The following SEC11A variants were observed in gnomAD, a reference collection of about 807,000 sequenced individuals.
The protein encoded by SEC11A is signal peptidase complex catalytic subunit SEC11A.
A neutral mutation model predicts 25.6 loss-of-function variants in SEC11A; 14 were observed. The observed-to-expected ratio is 0.55, with a 90% confidence interval of 0.36 to 0.85. SEC11A has a LOEUF of 0.85. SEC11A is among the 40% of genes least tolerant of loss of function. SEC11A has a pLI of 0.01. For synonymous variants in SEC11A, 83 were observed against 76.4 expected (o/e 1.09, Z -0.45); for missense variants, 153 against 222.9 (o/e 0.69, Z 2.00).
chr15:84,690,078 G>A (rs556650874), intron 2 of SEC11A, among the ~76,000 whole-genome samples: 2 of 152,204 alleles, frequency 1.3e-5, no homozygotes, highest in South Asian at 4.1e-4. Flanking sequence ...GACCAGACTG[G>A]GCAACACAGT....
intron 1 of SEC11A, among the ~76,000 whole-genome samples, chr15:84,706,965 C>G (rs68108526): frequency 1.3e-5 from 2 of 152,098 alleles, no homozygotes; most frequent in African/African-American, 2.4e-5. Context: ...AGAGACTAGA[C>G]AGACAGTCAG....
At chr15:84,699,678 T>G (rs1049992944) in intron 1 of SEC11A, among the ~76,000 whole-genome samples, 1 of 151,646 alleles carries the variant, frequency 6.6e-6, no homozygotes, top group African/African-American at 2.4e-5. Context: ...TAATCCCAGC[T>G]CTTAGGGAGG....
At chr15:84,680,007 T>C in intron 4 of SEC11A, 1 of 1,318,600 alleles carries the variant, frequency 7.6e-7, no homozygotes, top group Non-Finnish European at 1.0e-6. Flanking sequence ...TTTAATTTCA[T>C]TCAACCTCAT....
chr15:84,671,031 C>A (rs1187803058), intron 4 of SEC11A: 2 of 308,214 alleles, frequency 6.5e-6, no homozygotes, highest in Middle Eastern at 9.1e-4. Context: ...AGAACCAGCA[C>A]CAGATAGAGC....
chr15:84,702,801 G>A (rs1365650219), intron 1 of SEC11A, among the ~76,000 whole-genome samples: 1 of 152,084 alleles, frequency 6.6e-6, no homozygotes, highest in African/African-American at 2.4e-5. Flanking sequence ...GGTATTCACT[G>A]GCAAATTCCA....
intron 1 of SEC11A, among the ~76,000 whole-genome samples, chr15:84,704,329 G>A (rs1420042457): frequency 2.0e-5 from 3 of 152,170 alleles, no homozygotes; most frequent in Non-Finnish European, 4.4e-5. Context: ...TGGACAAGCA[G>A]TCATGGAATT....
In SEC11A at chr15:84,690,359, T is replaced by C. The variant is rs192467739; in HGVS notation, c.161+1176A>G. 2.3e-3 allele frequency among the ~76,000 whole-genome samples: 351 copies of C among 152,314 alleles called. 2 individuals are homozygous for C. The highest frequency in any genetic ancestry group is 4.3e-3 in the Non-Finnish European group (291 of 68,014). ...TGGGGCCTCCCCAGTCACGTGGAAC[T>C]GTAAGTCCAGTAAACCTCTTTCTTT... On this transcript the variant is annotated intron_variant, in intron 2 of 5. Coordinates refer to ENST00000268220, the MANE Select transcript of SEC11A (RefSeq NM_014300.4).
intron 3 of SEC11A, chr15:84,686,402 G>C (rs970879483): frequency 6.6e-6 from 1 of 152,210 alleles, no homozygotes; most frequent in Non-Finnish European, 1.5e-5. Flanking sequence ...CTTGAGGCCA[G>C]GGGTTCGAGA....
chr15:84,715,957 C>T (rs1898452353), intron 1 of SEC11A, 68 bp downstream of exon 1: 1 of 1,482,476 alleles, frequency 6.7e-7, no homozygotes. Context: ...TGGGGTCCGC[C>T]GGGCCCCGCA....
At chr15:84,709,177 T>C (rs1033733583) in intron 1 of SEC11A, among the ~76,000 whole-genome samples, 4 of 152,060 alleles carry the variant, frequency 2.6e-5, no homozygotes, top group African/African-American at 9.7e-5. Flanking sequence ...ACATACTTAT[T>C]TTATTAGTGA....
At chr15:84,711,709 C>T (rs1028221601) in intron 1 of SEC11A, among the ~76,000 whole-genome samples, 33 of 145,306 alleles carry the variant, frequency 2.3e-4, no homozygotes, top group Admixed American at 1.6e-3. Context: ...ATCCCAGCTA[C>T]TTGGTTGCGG....
intron 1 of SEC11A, among the ~76,000 whole-genome samples, chr15:84,694,681 G>C (rs1897707746): frequency 6.6e-6 from 1 of 151,904 alleles, no homozygotes; most frequent in Admixed American, 6.6e-5. Flanking sequence ...TACAATGAGG[G>C]GCTAGGCACA....
chr15:84,673,348 G>A (rs1433666823), intron 4 of SEC11A: 2 of 186,758 alleles, frequency 1.1e-5, no homozygotes, highest in Non-Finnish European at 2.2e-5. Flanking sequence ...GAAATCGGAT[G>A]GTTGCCGTGT....
chr15:84,684,034 G>T (rs1327567772), intron 3 of SEC11A, among the ~76,000 whole-genome samples: 1 of 152,086 alleles, frequency 6.6e-6, no homozygotes, highest in African/African-American at 2.4e-5. Context: ...CCACTTTACA[G>T]ATGAGAAAAA....
intron 1 of SEC11A, among the ~76,000 whole-genome samples, chr15:84,712,400 G>C (rs953801688): frequency 6.6e-6 from 1 of 151,590 alleles, no homozygotes; most frequent in Non-Finnish European, 1.5e-5. Context: ...CATTCTGAAA[G>C]TGTTTTATGG....
intron 5 of SEC11A, 30 bp from the exon 6 acceptor site, chr15:84,670,099 G>T: frequency 6.2e-7 from 1 of 1,606,928 alleles, no homozygotes. Context: ...CCACAAGTCA[G>T]AGAAGCGTTG....
intron 3 of SEC11A, among the ~76,000 whole-genome samples, chr15:84,684,977 C>A (rs1897377336): frequency 6.6e-6 from 1 of 151,962 alleles, no homozygotes; most frequent in African/African-American, 2.4e-5. Context: ...TAATCCTGAC[C>A]AGATATTTCA....
At chr15:84,705,796 A>G (rs1898077699) in intron 1 of SEC11A, among the ~76,000 whole-genome samples, 1 of 151,620 alleles carries the variant, frequency 6.6e-6, no homozygotes, top group African/African-American at 2.4e-5. Context: ...CAGAAGTTGC[A>G]GTGAGCCGAG....
chr15:84,712,648 A>G (rs1245070964), intron 1 of SEC11A, among the ~76,000 whole-genome samples: 2 of 151,636 alleles, frequency 1.3e-5, no homozygotes, highest in African/African-American at 2.4e-5. Context: ...GGGTTTCACC[A>G]TGTTGGCCAG....
Sources: allele counts gnomAD v4.1 joint callset (sites outside exome capture counted in the v4.1 genomes callset), GRCh38; gene constraint gnomAD v4.1.1; transcripts MANE v1.5; gene names NCBI Gene and HGNC (gene_info 2026-07-23, HGNC 2026-07-21).